HEXIM1: variants seen among roughly 807,000 people sequenced by gnomAD.
The protein encoded by HEXIM1 is protein HEXIM1.
HEXIM1 carries 1 observed loss-of-function variant against 30.3 expected under a neutral mutation model. That is an observed-to-expected ratio of 0.03 (90% CI 0.01 to 0.16). The LOEUF is 0.16. Ranked by LOEUF, HEXIM1 falls within the 10% of genes least tolerant of loss-of-function variation. The probability of loss-of-function intolerance (pLI) is 1.00; values close to 1 mark genes in which losing one functional copy is unlikely to be tolerated. For missense variants in HEXIM1, 391 were observed against 476.4 expected (o/e 0.82, Z 1.67); for synonymous variants, 245 against 208.3 (o/e 1.18, Z -1.52).
In HEXIM1 at chr17:45,150,290, AG is replaced by A; in HGVS notation, c.*25del. 1 of 1,599,728 alleles carries A rather than the reference AG, an allele frequency of 6.3e-7. No homozygotes were observed. The highest frequency in any genetic ancestry group is 8.5e-7 in the Non-Finnish European group (1 of 1,171,324). ...GACTAGACTGAAACTTTTTTGGGGG[AG>A]GGGGCAAAGGGGACTTTTTACAGTG... On this transcript the variant is annotated 3_prime_UTR_variant, in exon 1 of 1. Coordinates refer to ENST00000332499, the MANE Select transcript of HEXIM1 (RefSeq NM_006460.3).
In HEXIM1 at chr17:45,148,500, A is replaced by G. The variant is rs560275055; in HGVS notation, c.-691A>G. ...AGCAGTTGGAAGTTGGCAGGTGGAG[A>G]GGCAGGTTGGGAGGGAAAGTCGGGG... On this transcript the variant is annotated 5_prime_UTR_variant, in exon 1 of 1. Coordinates refer to ENST00000332499, the MANE Select transcript of HEXIM1 (RefSeq NM_006460.3). 5 of 374,530 alleles carry G rather than the reference A, an allele frequency of 1.3e-5. No individual in the cohort carries two copies. Among genetic ancestry groups the G allele is most frequent in the South Asian group, 1.4e-4 (1 of 7,054 alleles). The allele number at this position is 374,530 out of a possible 1,614,324, so 23.2% of individuals were successfully genotyped here.
chr17:45,149,602 G>A lies in HEXIM1; in HGVS notation c.412G>A (p.Glu138Lys), dbSNP rs573692319. The A allele has an allele frequency of 1.9e-6, 3 of 1,612,186 alleles. No individual in the cohort carries two copies. The highest frequency in any genetic ancestry group is 2.5e-6 in the Non-Finnish European group (3 of 1,179,400). Residue 138 changes from glutamate (E) to lysine (K), a missense_variant, in exon 1 of 1, where the codon GAA becomes AAA. By Grantham distance (56) the Glu-to-Lys change is moderately conservative (BLOSUM62 1). Transcript: ENST00000332499. This position sits in a 1 kb window ranked among gnomAD's most constrained non-coding sequence, Gnocchi z 5.3. ...GTTGGGGGCTCCTGCCGCAGGGGGC[G>A]AAGAGGAGTGGGGACAGCAGCAGAG... ...SKLGAPAAGG[E>K]EEWGQQQRQL...
Position 45,149,405 on chromosome 17 carries a change from C to G in HEXIM1, c.215C>G (p.Pro72Arg). The G allele has an allele frequency of 6.2e-7, 1 of 1,613,340 alleles. No homozygotes were observed. The highest frequency in any genetic ancestry group is 8.5e-7 in the Non-Finnish European group (1 of 1,179,954). The change falls in exon 1 of 1, where the codon CCT becomes CGT. Residue 72 changes from proline to arginine, a missense_variant. This residue lies in a region of HEXIM1 where 230 missense variants were observed against 199.4 expected (regional missense o/e 1.15). Transcript: ENST00000332499. This position sits in a 1 kb window ranked among gnomAD's most constrained non-coding sequence, Gnocchi z 5.3. The stretch of plus-strand genomic sequence containing the variant: ...GAAGGGAGCCTGGAATCCCAACCAC[C>G]TCCCTTGCAGACCCAGGCCTGTCCA... The part of the protein sequence containing the change: ...EGEGSLESQP[P>R]PLQTQACPES...
In HEXIM1 at chr17:45,149,184, A is replaced by G. The variant is rs763523915; in HGVS notation, c.-7A>G. ...AAATTTCTTAAACTTCGAGGACTCT[A>G]CTAGCCATGGCCGAGCCATTCTTGT... On this transcript the variant is annotated 5_prime_UTR_variant, in exon 1 of 1. Transcript: ENST00000332499. This position sits in a 1 kb window ranked among gnomAD's most constrained non-coding sequence, Gnocchi z 5.3. 2 of 1,601,464 alleles carry G rather than the reference A, an allele frequency of 1.2e-6. No homozygotes were observed. The highest frequency in any genetic ancestry group is 1.7e-6 in the Non-Finnish European group (2 of 1,173,684).
Position 45,150,409 on chromosome 17 carries a change from T to C in HEXIM1, c.*139T>C, listed in dbSNP as rs2055539605. ...AGAAATCCCCCTGGCTTTGGTTTCGTAAATTTAGCTATATGTAGCTTGCGT... is the reference window on the plus strand; with the variant it reads ...AGAAATCCCCCTGGCTTTGGTTTCGCAAATTTAGCTATATGTAGCTTGCGT... On this transcript the variant is annotated 3_prime_UTR_variant, in exon 1 of 1. Coordinates refer to ENST00000332499, the MANE Select transcript of HEXIM1 (RefSeq NM_006460.3). 1 of 1,006,266 alleles carries C rather than the reference T, an allele frequency of 9.9e-7. No individual in the cohort carries two copies. Among genetic ancestry groups the C allele is most frequent in the Non-Finnish European group, 1.4e-6 (1 of 690,338 alleles). 62.3% of individuals were successfully genotyped at this position (1,006,266 alleles called of 1,614,324 possible).
In HEXIM1 at chr17:45,149,449, G is replaced by C. The variant is rs2055529107; in HGVS notation, c.259G>C (p.Glu87Gln). ...QACPESSCLR[E>Q]GEKGQNGDDS... ...CTGTCCAGAATCTAGCTGCCTGAGA[G>C]AGGGCGAGAAGGGCCAGAATGGGGA... Residue 87 changes from glutamate (E) to glutamine (Q), a missense_variant, in exon 1 of 1, where the codon GAG (glutamate) becomes CAG (glutamine). Physicochemically the swap from Glu to Gln is conservative, Grantham distance 29. This residue lies in a region of HEXIM1 where 230 missense variants were observed against 199.4 expected (regional missense o/e 1.15). Coordinates refer to ENST00000332499, the MANE Select transcript of HEXIM1 (RefSeq NM_006460.3). The surrounding 1 kb of genome is among the most constrained non-coding windows in gnomAD (Gnocchi z 5.3). The C allele has an allele frequency of 2.5e-6, 4 of 1,612,892 alleles. No individual in the cohort carries two copies. The highest frequency in any genetic ancestry group is 1.1e-5 in the South Asian group (1 of 91,082).
In HEXIM1 at chr17:45,148,940, C is replaced by G; in HGVS notation, c.-251C>G. On this transcript the variant is annotated 5_prime_UTR_variant, in exon 1 of 1. Coordinates refer to ENST00000332499, the MANE Select transcript of HEXIM1 (RefSeq NM_006460.3). ...CGCCCATTACGTACTGTTCCTGCCG[C>G]TGCACCCCCTTGGACCCGCTAGCTG... The G allele has an allele frequency of 2.0e-6, 1 of 498,088 alleles. No homozygotes were observed. The highest frequency in any genetic ancestry group is 3.5e-6 in the Non-Finnish European group (1 of 284,458). The allele number at this position is 498,088 out of a possible 1,614,324, so 30.9% of individuals were successfully genotyped here.
chr17:45,149,123 A>T lies in HEXIM1; in HGVS notation c.-68A>T. ...TTTTTTTCTTTTTCTTTTTTTTAAG[A>T]AAAACCCATTTTTTTCCTTAAGGAC... is the stretch of plus-strand genomic sequence containing the variant. On this transcript the variant is annotated 5_prime_UTR_variant, in exon 1 of 1. Coordinates refer to ENST00000332499, the MANE Select transcript of HEXIM1 (RefSeq NM_006460.3). The surrounding 1 kb of genome is among the most constrained non-coding windows in gnomAD (Gnocchi z 5.3). The T allele has an allele frequency of 7.0e-6, 10 of 1,426,922 alleles. No homozygotes were observed. Among genetic ancestry groups the T allele is most frequent in the South Asian group, 1.3e-5 (1 of 74,780 alleles). 88.4% of individuals were successfully genotyped at this position (1,426,922 alleles called of 1,614,324 possible).
Position 45,148,733 on chromosome 17 carries a change from TA to T in HEXIM1, c.-456del, listed in dbSNP as rs775473906. On this transcript the variant is annotated 5_prime_UTR_variant, in exon 1 of 1. Transcript: ENST00000332499. Reference sequence around the variant, plus strand: ...GTGGGAGGAGGTGGCGCCGGGACTTTAACCCCTTGTGGGCTCTGCGGCAGGG... The same window carrying T: ...GTGGGAGGAGGTGGCGCCGGGACTTTACCCCTTGTGGGCTCTGCGGCAGGG... 53 of 401,554 alleles carry T rather than the reference TA, an allele frequency of 1.3e-4. No individual in the cohort carries two copies. Among genetic ancestry groups the T allele is most frequent in the Non-Finnish European group, 2.0e-4 (46 of 227,610 alleles). The allele number at this position is 401,554 out of a possible 1,614,324, so 24.9% of individuals were successfully genotyped here. A position where few individuals can be genotyped will look rare whatever the true frequency, so the allele number is the denominator to read the frequency against.
rs1439054294 is a variant in HEXIM1, at chr17:45,152,044, A to G, written c.*1774A>G. On this transcript the variant is annotated 3_prime_UTR_variant, in exon 1 of 1. Transcript: ENST00000332499. ...TGGCACATATGGTCCACTGGAGACA[A>G]TGTATGATTGAGTTTTTCTTTGGTC... is the stretch of plus-strand genomic sequence containing the variant. 1 of 167,070 alleles carries G rather than the reference A, an allele frequency of 6.0e-6. No homozygotes were observed. Among genetic ancestry groups the G allele is most frequent in the Non-Finnish European group, 1.5e-5 (1 of 68,094 alleles). 10.3% of individuals were successfully genotyped at this position (167,070 alleles called of 1,614,324 possible). A position where few individuals can be genotyped will look rare whatever the true frequency, so the allele number is the denominator to read the frequency against.
chr17:45,149,068 C>T lies in HEXIM1; in HGVS notation c.-123C>T. On this transcript the variant is annotated 5_prime_UTR_variant, in exon 1 of 1. Transcript: ENST00000332499. This position sits in a 1 kb window ranked among gnomAD's most constrained non-coding sequence, Gnocchi z 5.3. ...GCTAAAGGCGTCACTGCAGGAATTA[C>T]AAACTGAAGAGGACTCTGTTGGACT... 1 of 1,027,776 alleles carries T rather than the reference C, an allele frequency of 9.7e-7. No individual in the cohort carries two copies. Among genetic ancestry groups the T allele is most frequent in the South Asian group, 1.6e-5 (1 of 60,976 alleles). 63.7% of individuals were successfully genotyped at this position (1,027,776 alleles called of 1,614,324 possible).
Position 45,149,014 on chromosome 17 carries a change from G to A in HEXIM1, c.-177G>A, listed in dbSNP as rs2055524977. 1 of 628,330 alleles carries A rather than the reference G, an allele frequency of 1.6e-6. No individual in the cohort carries two copies. The highest frequency in any genetic ancestry group is 2.6e-6 in the Non-Finnish European group (1 of 378,184). 38.9% of individuals were successfully genotyped at this position (628,330 alleles called of 1,614,324 possible). ...TTTACTGACTTGAGCTCCCCAGATTGCAGTTGGAGTTTGCTGATAGAAGGA... is the reference window on the plus strand; with the variant it reads ...TTTACTGACTTGAGCTCCCCAGATTACAGTTGGAGTTTGCTGATAGAAGGA... On this transcript the variant is annotated 5_prime_UTR_variant, in exon 1 of 1. Coordinates refer to ENST00000332499, the MANE Select transcript of HEXIM1 (RefSeq NM_006460.3). The surrounding 1 kb of genome is among the most constrained non-coding windows in gnomAD (Gnocchi z 5.3).
rs923418476 is a variant in HEXIM1, at chr17:45,150,144, C to T, written c.954C>T (p.Asp318=). 3 of 1,613,354 alleles carry T rather than the reference C, an allele frequency of 1.9e-6. No homozygotes were observed. Among genetic ancestry groups the T allele is most frequent in the African/African-American group, 2.7e-5 (2 of 74,910 alleles). Reference sequence around the variant, plus strand: ...TGGAGAGCAAGCGGCTGGGTGGCGACGACGCGCGTGTGCGGGAGCTGGAGC... The same window carrying T: ...TGGAGAGCAAGCGGCTGGGTGGCGATGACGCGCGTGTGCGGGAGCTGGAGC... ...LRLESKRLGG[D]DARVRELELE... The change falls in exon 1 of 1, where the codon GAC becomes GAT. Residue 318 remains aspartate (D), a synonymous_variant. Transcript: ENST00000332499.
At position 45,149,175 on chromosome 17, in the gene HEXIM1, G is replaced by C; in HGVS notation, c.-16G>C. On this transcript the variant is annotated 5_prime_UTR_variant, in exon 1 of 1. Transcript: ENST00000332499. This position sits in a 1 kb window ranked among gnomAD's most constrained non-coding sequence, Gnocchi z 5.3. ...TACTAGCCAAAATTTCTTAAACTTC[G>C]AGGACTCTACTAGCCATGGCCGAGC... is the stretch of plus-strand genomic sequence containing the variant. 6.5e-7 allele frequency: 1 copy of C among 1,535,798 alleles called. No individual in the cohort carries two copies. The highest frequency in any genetic ancestry group is 8.8e-7 in the Non-Finnish European group (1 of 1,140,852).
rs1351425438 is a variant in HEXIM1 at position 45,148,975 on chromosome 17, T to G, written c.-216T>G. The stretch of plus-strand genomic sequence containing the variant: ...TTGGACCCGCTAGCTGGCCGCACTG[T>G]GGGCGCTTAACCCTTTACTGACTTG... On this transcript the variant is annotated 5_prime_UTR_variant, in exon 1 of 1. Transcript: ENST00000332499. The G allele has an allele frequency of 1.9e-6, 1 of 531,486 alleles. No individual in the cohort carries two copies. Among genetic ancestry groups the G allele is most frequent in the Non-Finnish European group, 3.3e-6 (1 of 306,336 alleles). 32.9% of individuals were successfully genotyped at this position (531,486 alleles called of 1,614,324 possible).
At position 45,149,197 on chromosome 17, in the gene HEXIM1, G is replaced by A. The variant is rs1350671005; in HGVS notation, c.7G>A (p.Glu3Lys). ...TTCGAGGACTCTACTAGCCATGGCC[G>A]AGCCATTCTTGTCAGAATATCAACA... The part of the protein sequence containing the change: MA[E>K]PFLSEYQHQP... The change falls in exon 1 of 1, where the codon GAG (glutamate) becomes AAG (lysine). Residue 3 changes from glutamate to lysine, a missense_variant. Transcript: ENST00000332499. The surrounding 1 kb of genome is among the most constrained non-coding windows in gnomAD (Gnocchi z 5.3). 6.2e-7 allele frequency: 1 copy of A among 1,608,974 alleles called. No homozygotes were observed. Among genetic ancestry groups the A allele is most frequent in the Non-Finnish European group, 8.5e-7 (1 of 1,177,592 alleles).
Position 45,152,009 on chromosome 17 carries a change from G to T in HEXIM1, c.*1739G>T, listed in dbSNP as rs538370739. ...AGGGCCTTCAAAGCTGGACTGAGTT[G>T]GTCCTGTTCTGGCACATATGGTCCA... On this transcript the variant is annotated 3_prime_UTR_variant, in exon 1 of 1. Transcript: ENST00000332499. 3 of 167,236 alleles carry T rather than the reference G, an allele frequency of 1.8e-5. No individual in the cohort carries two copies. Among genetic ancestry groups the T allele is most frequent in the South Asian group, 2.1e-4 (1 of 4,830 alleles). The allele number at this position is 167,236 out of a possible 1,614,324, so 10.4% of individuals were successfully genotyped here.
Position 45,150,591 on chromosome 17 carries a change from C to A in HEXIM1, c.*321C>A, listed in dbSNP as rs2055541180. The A allele has an allele frequency of 7.6e-6, 2 of 264,778 alleles. No individual in the cohort carries two copies. Among genetic ancestry groups the A allele is most frequent in the Admixed American group, 4.9e-5 (1 of 20,282 alleles). 16.4% of individuals were successfully genotyped at this position (264,778 alleles called of 1,614,324 possible). Reference sequence around the variant, plus strand: ...CTCCTTAAACGGAGCTATAAGGTGGCCAAATCTGAGAACAATTAAATTCAT... The same window carrying A: ...CTCCTTAAACGGAGCTATAAGGTGGACAAATCTGAGAACAATTAAATTCAT... On this transcript the variant is annotated 3_prime_UTR_variant, in exon 1 of 1. Coordinates refer to ENST00000332499, the MANE Select transcript of HEXIM1 (RefSeq NM_006460.3).
In HEXIM1 at chr17:45,149,164, T is replaced by A; in HGVS notation, c.-27T>A. 1 of 1,544,364 alleles carries A rather than the reference T, an allele frequency of 6.5e-7. No individual in the cohort carries two copies. Among genetic ancestry groups the A allele is most frequent in the South Asian group, 1.2e-5 (1 of 82,944 alleles). On this transcript the variant is annotated 5_prime_UTR_variant, in exon 1 of 1. Transcript: ENST00000332499. This position sits in a 1 kb window ranked among gnomAD's most constrained non-coding sequence, Gnocchi z 5.3. The stretch of plus-strand genomic sequence containing the variant: ...CCTTAAGGACTTACTAGCCAAAATT[T>A]CTTAAACTTCGAGGACTCTACTAGC...
Sources: allele counts gnomAD v4.1 joint callset, GRCh38; gene constraint gnomAD v4.1.1; regional missense constraint gnomAD v4.1.1; non-coding constraint Gnocchi (gnomAD v3.1); transcripts MANE v1.5; gene names NCBI Gene and HGNC (gene_info 2026-07-23, HGNC 2026-07-21).